Variants in ARHGAP22 observed in about 807,000 individuals in gnomAD.
ARHGAP22 encodes the protein Rho GTPase activating protein 22.
ARHGAP22 carries 48 observed loss-of-function variants against 59.1 expected under a neutral mutation model. That is an observed-to-expected ratio of 0.81 (90% confidence interval 0.64 to 1.03). The LOEUF (loss-of-function observed/expected upper bound fraction) is 1.03. ARHGAP22 is among the 50% of genes least tolerant of loss of function. The pLI is 0.00. For missense variants in ARHGAP22, 1,015 were observed against 958.7 expected (o/e 1.06, Z -0.78); for synonymous variants, 445 against 416.4 (o/e 1.07, Z -0.84).
At chr10:48,502,088 G>T (rs187740075) in intron 3 of ARHGAP22, among the ~76,000 whole-genome samples, 2 of 152,112 alleles carry the variant, frequency 1.3e-5, no homozygotes, top group Non-Finnish European at 2.9e-5. Context: ...CCTGTGTTTT[G>T]AGTACTTTTA....
At chr10:48,640,734 A>C (rs2062010298) in intron 1 of ARHGAP22, among the ~76,000 whole-genome samples, 1 of 152,210 alleles carries the variant, frequency 6.6e-6, no homozygotes, top group Admixed American at 6.5e-5. Context: ...GAAATTTTTT[A>C]AGCTGAAAGG....
At chr10:48,581,705 T>C (rs1215115815) in intron 2 of ARHGAP22, among the ~76,000 whole-genome samples, 1 of 152,276 alleles carries the variant, frequency 6.6e-6, no homozygotes, top group African/African-American at 2.4e-5. Context: ...TTTAAATATA[T>C]AGGTAAGTGC....
intron 3 of ARHGAP22, among the ~76,000 whole-genome samples, chr10:48,488,410 T>C (rs753871054): frequency 6.6e-6 from 1 of 152,250 alleles, no homozygotes; most frequent in Non-Finnish European, 1.5e-5. Flanking sequence ...TTCTTTGCAT[T>C]CCTGTTATTT....
At chr10:48,618,757 T>C (rs568891307) in intron 1 of ARHGAP22, among the ~76,000 whole-genome samples, 6 of 152,072 alleles carry the variant, frequency 3.9e-5, no homozygotes, top group Non-Finnish European at 8.8e-5. Context: ...TAGGGAAAAG[T>C]TGAAAGCTTT....
At chr10:48,621,376 C>T (rs527398313) in intron 1 of ARHGAP22, among the ~76,000 whole-genome samples, 2 of 152,148 alleles carry the variant, frequency 1.3e-5, no homozygotes, top group Non-Finnish European at 2.9e-5. Flanking sequence ...CTTATTTACT[C>T]AGCTTCCTAT....
intron 3 of ARHGAP22, 41 bp downstream of exon 3, chr10:48,555,422 C>T (rs1258950371): frequency 6.3e-7 from 1 of 1,592,608 alleles, no homozygotes; most frequent in African/African-American, 1.3e-5. Context: ...CATGGCAACA[C>T]CCCCACCAGG....
chr10:48,556,957 A>G (rs542883672), intron 2 of ARHGAP22, among the ~76,000 whole-genome samples: 3 of 152,252 alleles, frequency 2.0e-5, no homozygotes, highest in Admixed American at 2.0e-4. Context: ...GGAGCCTCCC[A>G]TGTGCTGCTG....
intron 2 of ARHGAP22, among the ~76,000 whole-genome samples, chr10:48,568,428 G>C (rs891280798): frequency 2.0e-5 from 3 of 152,188 alleles, no homozygotes; most frequent in African/African-American, 7.2e-5. Flanking sequence ...GAAGTACCTG[G>C]TGTTCCATGT....
chr10:48,489,714 A>C (rs2050180775), intron 3 of ARHGAP22, among the ~76,000 whole-genome samples: 1 of 147,872 alleles, frequency 6.8e-6, no homozygotes. Flanking sequence ...CACATGACAG[A>C]CTTCTGAGGC....
chr10:48,635,352 C>T (rs1482214160), intron 1 of ARHGAP22, among the ~76,000 whole-genome samples: 1 of 152,228 alleles, frequency 6.6e-6, no homozygotes, highest in Non-Finnish European at 1.5e-5. Flanking sequence ...TAGCTTGAAG[C>T]ACAGCTTTGG....
intron 1 of ARHGAP22, among the ~76,000 whole-genome samples, chr10:48,628,009 C>T (rs1294174485): frequency 6.6e-6 from 1 of 152,242 alleles, no homozygotes; most frequent in African/African-American, 2.4e-5. Context: ...TAACACAGTG[C>T]TCTGAGACTC....
chr10:48,526,087 C>A (rs1417975244), intron 3 of ARHGAP22, among the ~76,000 whole-genome samples: 1 of 152,202 alleles, frequency 6.6e-6, no homozygotes, highest in Non-Finnish European at 1.5e-5. Context: ...ATGGCCTTGA[C>A]TTGACTGGAA....
Position 48,525,991 on chromosome 10 carries a change from T to C in ARHGAP22, c.322+29472A>G, listed in dbSNP as rs190364274. 8.7e-4 allele frequency among the ~76,000 whole-genome samples: 132 copies of C among 152,214 alleles called. 1 individual carries two copies. Among genetic ancestry groups the C allele is most frequent in the African/African-American group, 3.0e-3 (126 of 41,514 alleles). ...ATATTTTTAGGTGTTTGGCACAGAG[T>C]AGGCTTCTTCATGTAAGGTTCTTTG... On this transcript the variant is annotated intron_variant, in intron 3 of 9. Coordinates refer to ENST00000249601, the MANE Select transcript of ARHGAP22 (RefSeq NM_021226.4).
intron 1 of ARHGAP22, among the ~76,000 whole-genome samples, chr10:48,627,720 C>A (rs1205638411): frequency 6.6e-6 from 1 of 152,206 alleles, no homozygotes; most frequent in South Asian, 2.1e-4. Context: ...ATTCCAAGGG[C>A]TTTATGAAAG....
At chr10:48,644,579 C>T (rs2062210274) in intron 1 of ARHGAP22, among the ~76,000 whole-genome samples, 1 of 152,140 alleles carries the variant, frequency 6.6e-6, no homozygotes, top group Admixed American at 6.5e-5. Flanking sequence ...ATATAAAGTA[C>T]ATTATCTATC....
In ARHGAP22 at chr10:48,624,002, A is replaced by C. The variant is rs912426723; in HGVS notation, c.52+28232T>G. The C allele has an allele frequency of 2.6e-5, 4 of 152,368 alleles. No homozygotes were observed. The South Asian group carries it at 8.3e-4, about 32-fold the overall frequency. The allele number at this position is 152,368 out of a possible 1,614,324, so 9.4% of individuals were successfully genotyped here. A position where few individuals can be genotyped will look rare whatever the true frequency, so the allele number is the denominator to read the frequency against. ...TTCTTGAATCAGCCTCTGCAGTCAC[A>C]CTTGGCTTCCCATGCCTGCTTGGCC... On this transcript the variant is annotated intron_variant, in intron 1 of 9. Transcript: ENST00000435790.
intron 1 of ARHGAP22, among the ~76,000 whole-genome samples, chr10:48,625,700 ACACAC>A (rs2061426807): frequency 9.0e-4 from 110 of 122,092 alleles, no homozygotes; most frequent in South Asian, 7.4e-3. Context: ...GTGTACACAC[ACACAC>A]ACACACACAC....
Position 48,616,940 on chromosome 10 carries a change from A to AT in ARHGAP22, c.53-33789dup, listed in dbSNP as rs577510368. On this transcript the variant is annotated intron_variant, in intron 1 of 9. Transcript: ENST00000435790. ...CATATAGGCAAATACGTAATTATTAATTTTTTTGCAACTTCACTTTTCTCA... is the reference window on the plus strand; with the variant it reads ...CATATAGGCAAATACGTAATTATTAATTTTTTTTGCAACTTCACTTTTCTCA... Among the ~76,000 whole-genome samples the AT allele has an allele frequency of 1.5e-3, 231 of 152,128 alleles. 1 individual carries two copies. The highest frequency in any genetic ancestry group is 5.2e-3 in the African/African-American group (217 of 41,540).
intron 1 of ARHGAP22, among the ~76,000 whole-genome samples, chr10:48,593,135 C>G (rs957364094): frequency 6.6e-6 from 1 of 152,184 alleles, no homozygotes; most frequent in African/African-American, 2.4e-5. Context: ...CCCGGATGCC[C>G]TAGGGTTCCT....
Sources: gnomAD v4.1 joint callset for allele counts (sites outside exome capture counted in the v4.1 genomes callset) on GRCh38, gnomAD v4.1.1 for gene constraint, MANE v1.5 for transcripts, NCBI Gene and HGNC (gene_info 2026-07-23, HGNC 2026-07-21) for gene names.